Variants in ASTN1 observed in about 807,000 individuals in gnomAD.
ASTN1 encodes the protein astrotactin 1.
In ASTN1, 41 loss-of-function variants were observed where a neutral mutation model predicts 140.7. The ratio of observed to expected loss-of-function variants is 0.29; its 90% CI spans 0.23 to 0.38. The LOEUF is 0.38. ASTN1 is among the 10% of genes least tolerant of loss of function. The pLI is 1.00. For missense variants in ASTN1, 1,479 were observed against 1,678.8 expected (o/e 0.88, Z 2.08); for synonymous variants, 640 against 652.2 (o/e 0.98, Z 0.29).
intron 16 of ASTN1, among the ~76,000 whole-genome samples, chr1:176,906,831 G>A (rs1670023038): frequency 6.8e-6 from 1 of 146,202 alleles, no homozygotes; most frequent in South Asian, 2.2e-4. Context: ...GTGACAGAGT[G>A]AGACTCTCTC....
intron 18 of ASTN1, among the ~76,000 whole-genome samples, chr1:176,886,952 AC>A (rs1174275789): frequency 1.3e-5 from 2 of 152,226 alleles, no homozygotes; most frequent in Non-Finnish European, 2.9e-5. Context: ...ATTAGAGGCT[AC>A]AAGGGATTCT....
At chr1:176,884,560 A>C in intron 18 of ASTN1, 70 bp from the exon 19 acceptor site, 3 of 1,500,638 alleles carry the variant, frequency 2.0e-6, no homozygotes, top group Non-Finnish European at 2.7e-6. Context: ...TGACTACCTC[A>C]ATTGTGATAC....
chr1:177,161,578 A>G (rs1383934871), intron 1 of ASTN1, among the ~76,000 whole-genome samples: 2 of 152,230 alleles, frequency 1.3e-5, no homozygotes, highest in East Asian at 3.9e-4. Flanking sequence ...CAGGCAGAGT[A>G]GCTACATGTG....
At chr1:176,864,802 C>T (rs189605323) in intron 22 of ASTN1, among the ~76,000 whole-genome samples, 27 of 152,230 alleles carry the variant, frequency 1.8e-4, no homozygotes, top group Admixed American at 3.9e-4. Context: ...AAATGCATGG[C>T]TTTTAAAAAT....
chr1:177,048,611 C>T (rs947874339), intron 2 of ASTN1, among the ~76,000 whole-genome samples: 1 of 152,152 alleles, frequency 6.6e-6, no homozygotes, highest in Non-Finnish European at 1.5e-5. Context: ...TATTCAAAGG[C>T]CTCCAGAGGC....
chr1:176,945,808 C>T (rs1671930629), intron 13 of ASTN1, 118 bp downstream of exon 13: 4 of 1,018,334 alleles, frequency 3.9e-6, no homozygotes, highest in Non-Finnish European at 5.7e-6. Flanking sequence ...GTAGTCTATC[C>T]CTTTAGACAT....
Position 177,126,358 on chromosome 1 carries a change from C to A in ASTN1, c.283+38036G>T, listed in dbSNP as rs12565231. On this transcript the variant is annotated intron_variant, in intron 1 of 22. Coordinates refer to ENST00000361833, the MANE Select transcript of ASTN1 (RefSeq NM_004319.3). Reference sequence around the variant, plus strand: ...GAGTGACAGATCCTCCTTCCCTTGGCTAGAGACATACACCAGGCTAACAAG... The same window carrying A: ...GAGTGACAGATCCTCCTTCCCTTGGATAGAGACATACACCAGGCTAACAAG... Among the ~76,000 whole-genome samples the A allele has an allele frequency of 3.1e-4, 47 of 152,290 alleles. No individual in the cohort carries two copies. The East Asian group carries it at 8.5e-3, about 28-fold the overall frequency.
chr1:176,936,252 G>A lies in ASTN1; in HGVS notation c.2482+14C>T. 1 of 1,607,196 alleles carries A rather than the reference G, an allele frequency of 6.2e-7. No individual in the cohort carries two copies. Among genetic ancestry groups the A allele is most frequent in the Non-Finnish European group, 8.5e-7 (1 of 1,173,738 alleles). On this transcript the variant is annotated intron_variant, in intron 15 of 22. Transcript: ENST00000361833. ...CCAGGGAAGGTGGGCAGGATAGCCT[G>A]CAGCAGTGCTCACCCTGAGAGATGG...
At chr1:177,114,981 G>A (rs921339303) in intron 1 of ASTN1, among the ~76,000 whole-genome samples, 6 of 151,956 alleles carry the variant, frequency 3.9e-5, no homozygotes, top group Non-Finnish European at 8.8e-5. Context: ...GAGGAAGAGC[G>A]CAGAGAGCAG....
intron 2 of ASTN1, among the ~76,000 whole-genome samples, chr1:177,035,849 G>T (rs1676689043): frequency 6.6e-6 from 1 of 152,138 alleles, no homozygotes; most frequent in Non-Finnish European, 1.5e-5. Flanking sequence ...TCTTAACCAT[G>T]TGTGGAGCCT....
chr1:177,146,472 CT>C (rs1380049149), intron 1 of ASTN1, among the ~76,000 whole-genome samples: 1 of 152,162 alleles, frequency 6.6e-6, no homozygotes, highest in Non-Finnish European at 1.5e-5. Flanking sequence ...GAGACTTAAA[CT>C]TTTTTTATAC....
intron 8 of ASTN1, among the ~76,000 whole-genome samples, chr1:177,002,558 G>GT (rs1246679655): frequency 6.6e-6 from 1 of 151,938 alleles, no homozygotes; most frequent in African/African-American, 2.4e-5. Flanking sequence ...TTGCTGTTTT[G>GT]TTTTTTTCTA....
At chr1:176,997,765 AC>A (rs1221594094) in intron 8 of ASTN1, among the ~76,000 whole-genome samples, 1 of 152,184 alleles carries the variant, frequency 6.6e-6, no homozygotes, top group Non-Finnish European at 1.5e-5. Flanking sequence ...GACGATTGCC[AC>A]AATAGATAGT....
intron 18 of ASTN1, among the ~76,000 whole-genome samples, chr1:176,886,671 C>T (rs757095706): frequency 6.6e-6 from 1 of 152,166 alleles, no homozygotes; most frequent in African/African-American, 2.4e-5. Context: ...GCATTCTCCT[C>T]CTTCCTCTGA....
intron 8 of ASTN1, among the ~76,000 whole-genome samples, chr1:176,973,923 T>C (rs779489938): frequency 1.3e-5 from 2 of 152,230 alleles, no homozygotes; most frequent in African/African-American, 2.4e-5. Context: ...TTTGCTCCTA[T>C]GTCCTCAGGC....
At chr1:177,086,912 C>G (rs1000210567) in intron 1 of ASTN1, among the ~76,000 whole-genome samples, 2 of 152,146 alleles carry the variant, frequency 1.3e-5, no homozygotes, top group Non-Finnish European at 2.9e-5. Flanking sequence ...AACTAATATG[C>G]ATACTTTGGG....
At chr1:176,954,369 G>C (rs1274081921) in intron 11 of ASTN1, among the ~76,000 whole-genome samples, 2 of 152,136 alleles carry the variant, frequency 1.3e-5, no homozygotes, top group African/African-American at 4.8e-5. Context: ...TAAATATGGG[G>C]AAGAGTCATG....
downstream of ASTN1, among the ~76,000 whole-genome samples, chr1:176,859,566 C>T (rs1181703343): frequency 6.6e-6 from 1 of 152,150 alleles, no homozygotes; most frequent in East Asian, 1.9e-4. Context: ...AGGTGGATCA[C>T]CTGAGGTCAG....
intron 16 of ASTN1, among the ~76,000 whole-genome samples, chr1:176,922,065 C>T (rs1571512937): frequency 1.3e-5 from 2 of 152,134 alleles, no homozygotes; most frequent in South Asian, 4.1e-4. Flanking sequence ...AACATGGCCC[C>T]GACCTTTCAA....
Sources: gnomAD v4.1 joint callset for allele counts (sites outside exome capture counted in the v4.1 genomes callset) on GRCh38, gnomAD v4.1.1 for gene constraint, MANE v1.5 for transcripts, NCBI Gene and HGNC (gene_info 2026-07-23, HGNC 2026-07-21) for gene names.